The following PHLPP1 variants were observed in gnomAD, a reference collection of about 807,000 sequenced individuals.
PHLPP1 encodes PH domain leucine-rich repeat-containing protein phosphatase 1.
Under a neutral mutation model 117.2 loss-of-function variants are expected in PHLPP1, and 42 were observed. That is an observed-to-expected ratio of 0.36 (90% CI 0.28 to 0.46). The LOEUF (loss-of-function observed/expected upper bound fraction) is 0.46. Ranked by LOEUF, PHLPP1 falls within the 20% of genes least tolerant of loss-of-function variation. PHLPP1 has a pLI of 1.00. For synonymous variants in PHLPP1, 1,042 were observed against 970.7 expected, an observed-to-expected ratio of 1.07 and a Z score of -1.37; for missense variants, 2,084 against 2,241.9, an observed-to-expected ratio of 0.93 and a Z score of 1.42.
At chr18:62,835,047 TATG>T (rs1207830556) in intron 2 of PHLPP1, among the ~76,000 whole-genome samples, 22 of 152,328 alleles carry the variant, frequency 1.4e-4, no homozygotes, top group African/African-American at 4.6e-4. Flanking sequence ...TTTATTCTAA[TATG>T]ATGCCTGTAG....
At chr18:62,862,492 C>T (rs1201300993) in intron 4 of PHLPP1, among the ~76,000 whole-genome samples, 1 of 152,146 alleles carries the variant, frequency 6.6e-6, no homozygotes, top group East Asian at 1.9e-4. Context: ...ATTTGAAGGC[C>T]ATTATTGGCA....
chr18:62,898,749 A>G (rs1916638260), intron 6 of PHLPP1, among the ~76,000 whole-genome samples: 1 of 152,080 alleles, frequency 6.6e-6, no homozygotes, highest in Admixed American at 6.6e-5. Context: ...TTACGAGTTG[A>G]TTCTTGCTGT....
chr18:62,882,098 A>G (rs555917169), intron 4 of PHLPP1, among the ~76,000 whole-genome samples: 1 of 152,292 alleles, frequency 6.6e-6, no homozygotes, highest in East Asian at 1.9e-4. Flanking sequence ...ATTATGGCAC[A>G]TGCAGGTTGC....
intron 10 of PHLPP1, among the ~76,000 whole-genome samples, chr18:62,936,772 A>G (rs932027748): frequency 2.0e-5 from 3 of 152,270 alleles, no homozygotes; most frequent in African/African-American, 7.2e-5. Flanking sequence ...CATCAAGGTC[A>G]TCTAAGATAA....
At chr18:62,817,311 C>CT (rs1914310164) in intron 1 of PHLPP1, among the ~76,000 whole-genome samples, 1 of 152,064 alleles carries the variant, frequency 6.6e-6, no homozygotes, top group African/African-American at 2.4e-5. Context: ...ATTTAAGCAG[C>CT]TATTTTAGTT....
At chr18:62,754,853 A>G (rs1423502298) in intron 1 of PHLPP1, among the ~76,000 whole-genome samples, 1 of 152,218 alleles carries the variant, frequency 6.6e-6, no homozygotes, top group Non-Finnish European at 1.5e-5. Flanking sequence ...ATAGTCAGCT[A>G]CACCTGGTGG....
At chr18:62,720,144 T>TA (rs1910872715) in intron 1 of PHLPP1, among the ~76,000 whole-genome samples, 1 of 152,168 alleles carries the variant, frequency 6.6e-6, no homozygotes, top group Non-Finnish European at 1.5e-5. Context: ...TCGGACATCT[T>TA]AAATTTTGCC....
intron 1 of PHLPP1, among the ~76,000 whole-genome samples, chr18:62,769,984 T>C (rs1486524829): frequency 1.3e-5 from 2 of 152,242 alleles, no homozygotes; most frequent in Non-Finnish European, 2.9e-5. Flanking sequence ...CCATCATCTT[T>C]CCTCCATGTT....
intron 1 of PHLPP1, among the ~76,000 whole-genome samples, chr18:62,803,935 C>T (rs142374291): frequency 3.5e-4 from 54 of 152,158 alleles, no homozygotes; most frequent in African/African-American, 9.9e-4. Context: ...TTCCCTGAAA[C>T]TAAGATTTTT....
Position 62,978,678 on chromosome 18 carries a change from G to A in PHLPP1, c.4401G>A (p.Pro1467=), listed in dbSNP as rs564548477. 1.2e-5 allele frequency: 19 copies of A among 1,613,852 alleles called. No individual in the cohort carries two copies. The highest frequency in any genetic ancestry group is 2.7e-5 in the African/African-American group (2 of 74,996). The stretch of plus-strand genomic sequence containing the variant: ...GGCCCTCAGATGGGCTGGGCGTGCC[G>A]TCCTCCAGCAGCGGCATGGCTTCCG... ...KDRPSDGLGV[P]SSSSGMASEI... is the part of the protein sequence containing the mutation. Residue 1467 remains proline (P), a synonymous_variant, in exon 17 of 17, where the codon CCG becomes CCA. Coordinates refer to ENST00000262719, the MANE Select transcript of PHLPP1 (RefSeq NM_194449.4). The surrounding 1 kb of genome is among the most constrained non-coding windows in gnomAD (Gnocchi z 7.0).
chr18:62,846,209 C>CAAAAA (rs34577472), intron 3 of PHLPP1, among the ~76,000 whole-genome samples: 4 of 78,640 alleles, frequency 5.1e-5, no homozygotes, highest in Non-Finnish European at 7.0e-5. Flanking sequence ...AACTCCATCT[C>CAAAAA]AAAAAAAAAA....
At chr18:62,818,179 C>T (rs778551875) in intron 1 of PHLPP1, among the ~76,000 whole-genome samples, 1 of 151,948 alleles carries the variant, frequency 6.6e-6, no homozygotes, top group Admixed American at 6.6e-5. Context: ...CACTAGAAGT[C>T]AGTGGAAGAG....
chr18:62,833,692 A>T (rs995552600), intron 2 of PHLPP1, among the ~76,000 whole-genome samples: 1 of 152,212 alleles, frequency 6.6e-6, no homozygotes, highest in African/African-American at 2.4e-5. Context: ...ACAATGTTTC[A>T]TAATAAGATT....
At position 62,979,518 on chromosome 18, in the gene PHLPP1, C is replaced by T; in HGVS notation, c.*87C>T. On this transcript the variant is annotated 3_prime_UTR_variant, in exon 17 of 17. Coordinates refer to ENST00000262719, the MANE Select transcript of PHLPP1 (RefSeq NM_194449.4). ...GGCTCACATTAAACCAGGGGTTTTACTCCACATCCTTCCCCCAGACACTGT... is the reference window on the plus strand; with the variant it reads ...GGCTCACATTAAACCAGGGGTTTTATTCCACATCCTTCCCCCAGACACTGT... The T allele has an allele frequency of 7.3e-7, 1 of 1,377,680 alleles. No homozygotes were observed. The highest frequency in any genetic ancestry group is 9.8e-7 in the Non-Finnish European group (1 of 1,018,542). The allele number at this position is 1,377,680 out of a possible 1,614,324, so 85.3% of individuals were successfully genotyped here. A position where few individuals can be genotyped will look rare whatever the true frequency, so the allele number is the denominator to read the frequency against.
At chr18:62,797,522 G>A (rs181785555) in intron 1 of PHLPP1, among the ~76,000 whole-genome samples, 1 of 152,270 alleles carries the variant, frequency 6.6e-6, no homozygotes, top group East Asian at 1.9e-4. Flanking sequence ...CTAGGGAATC[G>A]GGGTTGCACT....
intron 1 of PHLPP1, among the ~76,000 whole-genome samples, chr18:62,774,289 C>G (rs1461620841): frequency 6.6e-6 from 1 of 152,150 alleles, no homozygotes; most frequent in Admixed American, 6.5e-5. Flanking sequence ...CTCTGTGATA[C>G]TTCCAGATTG....
At chr18:62,962,597 C>T (rs1477470969) in intron 13 of PHLPP1, among the ~76,000 whole-genome samples, 1 of 152,202 alleles carries the variant, frequency 6.6e-6, no homozygotes, top group African/African-American at 2.4e-5. Flanking sequence ...GCGTGAGCCA[C>T]CGCGCCTGGC....
At chr18:62,732,895 G>GGAGATGA in intron 1 of PHLPP1, among the ~76,000 whole-genome samples, 1 of 152,294 alleles carries the variant, frequency 6.6e-6, no homozygotes, top group South Asian at 2.1e-4. Flanking sequence ...AGTGGAGCCT[G>GGAGATGA]GAGATGAGAC....
chr18:62,932,302 T>C (rs927428328), intron 10 of PHLPP1, among the ~76,000 whole-genome samples: 3 of 118,482 alleles, frequency 2.5e-5, no homozygotes, highest in Admixed American at 8.6e-5. Flanking sequence ...TACCAAAATC[T>C]GACAAGGATA....
Sources: gnomAD v4.1 joint callset for allele counts (sites outside exome capture counted in the v4.1 genomes callset) on GRCh38, gnomAD v4.1.1 for gene constraint, Gnocchi (gnomAD v3.1) non-coding constraint, MANE v1.5 for transcripts, NCBI Gene and HGNC (gene_info 2026-07-23, HGNC 2026-07-21) for gene names.